FGFR1OP2: variants seen among roughly 807,000 people sequenced by gnomAD.
The protein encoded by FGFR1OP2 is fibroblast growth factor receptor 1 oncogene partner 2.
A neutral mutation model predicts 35.2 loss-of-function variants in FGFR1OP2; 17 were observed. That is an observed-to-expected ratio of 0.48 (90% CI 0.33 to 0.73). The LOEUF (loss-of-function observed/expected upper bound fraction) is 0.73, where lower values mean the gene tolerates loss of function less well. Among genes scored for constraint, FGFR1OP2 ranks in the 30% least tolerant of loss-of-function variants. The probability of loss-of-function intolerance (pLI) is 0.02; values close to 1 mark genes in which losing one functional copy is unlikely to be tolerated. For missense variants in FGFR1OP2, 251 were observed against 307.3 expected (o/e 0.82, Z 1.37); for synonymous variants, 105 against 104.6 (o/e 1.00, Z -0.03).
intron 6 of FGFR1OP2, among the ~76,000 whole-genome samples, chr12:26,963,947 G>A (rs1169016063): frequency 2.6e-5 from 4 of 152,034 alleles, no homozygotes; most frequent in East Asian, 3.8e-4. Context: ...AAATCACGGC[G>A]GGGAACCTGC....
intron 6 of FGFR1OP2, among the ~76,000 whole-genome samples, chr12:26,963,941 C>A (rs1190630628): frequency 6.6e-6 from 1 of 152,048 alleles, no homozygotes; most frequent in Non-Finnish European, 1.5e-5. Context: ...ATTTTGAAAT[C>A]ACGGCGGGGA....
intron 1 of FGFR1OP2, among the ~76,000 whole-genome samples, chr12:26,953,288 A>G (rs1226762325): frequency 6.8e-6 from 1 of 146,458 alleles, no homozygotes; most frequent in African/African-American, 2.5e-5. Flanking sequence ...AAAAAAAAAA[A>G]AGGAAGATAA....
chr12:26,957,503 C>T, intron 3 of FGFR1OP2, 98 bp from the exon 4 acceptor site: 4 of 1,083,994 alleles, frequency 3.7e-6, no homozygotes, highest in Admixed American at 4.8e-5. Context: ...ATTGTGTTTT[C>T]TTTTTAAAAT....
At position 26,966,107 on chromosome 12, in the gene FGFR1OP2, A is replaced by T. The variant is rs968211017; in HGVS notation, c.*1374A>T. 7.2e-5 allele frequency: 11 copies of T among 152,042 alleles called. No individual in the cohort carries two copies. The highest frequency in any genetic ancestry group is 2.4e-4 in the African/African-American group (10 of 41,454). 9.4% of individuals were successfully genotyped at this position (152,042 alleles called of 1,614,324 possible). A position where few individuals can be genotyped will look rare whatever the true frequency, so the allele number is the denominator to read the frequency against. ...TTGGTAAAATTCAAAACTACACTTG[A>T]GAATTTTTTTATCTTAAGTTTGGGG... On this transcript the variant is annotated 3_prime_UTR_variant, in exon 7 of 7. Coordinates refer to ENST00000229395, the MANE Select transcript of FGFR1OP2 (RefSeq NM_015633.3).
In FGFR1OP2 at chr12:26,954,223, A is replaced by G; in HGVS notation, c.65A>G (p.His22Arg). The G allele has an allele frequency of 6.2e-7, 1 of 1,612,818 alleles. No homozygotes were observed. Among genetic ancestry groups the G allele is most frequent in the Non-Finnish European group, 8.5e-7 (1 of 1,179,212 alleles). The change falls in exon 2 of 7, where the codon CAT becomes CGT. Residue 22 changes from histidine (H) to arginine (R), a missense_variant. By Grantham distance (29) the His-to-Arg change is conservative. Transcript: ENST00000229395. ...GCTCTTGTTGAAAGATTAAGAGATC[A>G]TGACGATGCAGCAGAATCTCTGATT... is the stretch of plus-strand genomic sequence containing the variant. ...AKALVERLRDHDDAAESLIEQ... is the reference protein window; with the variant it reads ...AKALVERLRDRDDAAESLIEQ...
At position 26,960,562 on chromosome 12, in the gene FGFR1OP2, A is replaced by G. The variant is rs1939089434; in HGVS notation, c.444A>G (p.Ala148=). 1 of 1,613,656 alleles carries G rather than the reference A, an allele frequency of 6.2e-7. No individual in the cohort carries two copies. Among genetic ancestry groups the G allele is most frequent in the Non-Finnish European group, 8.5e-7 (1 of 1,179,742 alleles). ...AGTCCGAAGGATTCTTCCTTGATGC[A>G]TCTCGACACATCCTTGAAGCACCTC... is the stretch of plus-strand genomic sequence containing the variant. ...RNKSEGFFLD[A]SRHILEAPQH... is the part of the protein sequence containing the mutation. The change falls in exon 5 of 7, where the codon GCA becomes GCG. Residue 148 remains alanine, a synonymous_variant. Coordinates refer to ENST00000229395, the MANE Select transcript of FGFR1OP2 (RefSeq NM_015633.3).
intron 5 of FGFR1OP2, chr12:26,961,109 T>A (rs961124372): frequency 6.6e-6 from 1 of 151,976 alleles, no homozygotes; most frequent in East Asian, 1.9e-4. Flanking sequence ...TGTGTCTTAA[T>A]TTTTTTTTAA....
rs1227384040 is a variant in FGFR1OP2 at position 26,965,621 on chromosome 12, A to T, written c.*888A>T. ...AGTGAATTGGGAATTCCTCTGGCTC[A>T]TAGAACCCTTTTTTTTTTCCTTTAA... On this transcript the variant is annotated 3_prime_UTR_variant, in exon 7 of 7. Transcript: ENST00000229395. The T allele has an allele frequency of 6.6e-6, 1 of 151,798 alleles. No individual in the cohort carries two copies. Among genetic ancestry groups the T allele is most frequent in the East Asian group, 1.9e-4 (1 of 5,188 alleles). The allele number at this position is 151,798 out of a possible 1,614,324, so 9.4% of individuals were successfully genotyped here.
chr12:26,959,239 G>A (rs1449789574), intron 4 of FGFR1OP2, among the ~76,000 whole-genome samples: 1 of 151,872 alleles, frequency 6.6e-6, no homozygotes, highest in Non-Finnish European at 1.5e-5. Context: ...TAATCAAATG[G>A]CAATCCAGGG....
At chr12:26,955,871 T>C (rs1939009986) in intron 2 of FGFR1OP2, among the ~76,000 whole-genome samples, 1 of 152,218 alleles carries the variant, frequency 6.6e-6, no homozygotes, top group Non-Finnish European at 1.5e-5. Context: ...AATAACTCTG[T>C]TAAAATTTTT....
intron 1 of FGFR1OP2, among the ~76,000 whole-genome samples, chr12:26,950,210 G>GTTATTTTTT (rs1555211390): frequency 3.4e-5 from 1 of 29,744 alleles, no homozygotes; most frequent in African/African-American, 1.8e-4. Context: ...TAATGTATTC[G>GTTATTTTTT]TTGTTTTTTT....
At chr12:26,944,625 C>A (rs1938792520) in intron 1 of FGFR1OP2, among the ~76,000 whole-genome samples, 1 of 152,030 alleles carries the variant, frequency 6.6e-6, no homozygotes, top group African/African-American at 2.4e-5. Context: ...CTAATATTTC[C>A]TTAAGGATTT....
At chr12:26,955,110 A>C (rs1938998636) in intron 2 of FGFR1OP2, among the ~76,000 whole-genome samples, 1 of 152,190 alleles carries the variant, frequency 6.6e-6, no homozygotes, top group African/African-American at 2.4e-5. Flanking sequence ...ATCCCTAACC[A>C]ACTGTCCAGC....
intron 3 of FGFR1OP2, 75 bp from the exon 4 acceptor site, chr12:26,957,526 A>G (rs1005907656): frequency 2.0e-5 from 26 of 1,325,886 alleles, no homozygotes; most frequent in African/African-American, 3.0e-5. Context: ...CCCGTTCATA[A>G]GTTGCTTAGT....
chr12:26,944,806 T>A lies in FGFR1OP2; in HGVS notation c.-15+6096T>A, dbSNP rs1938795162. 2.0e-5 allele frequency among the ~76,000 whole-genome samples: 3 copies of A among 152,326 alleles called. No homozygotes were observed. In the South Asian group the frequency reaches 6.2e-4, roughly 32 times the overall value. ...TGGTGTTATTTCTTCTTTAAATGTG[T>A]GATAGAATTTGTCCTTGAAGCCATC... On this transcript the variant is annotated intron_variant, in intron 1 of 6. Coordinates refer to ENST00000229395, the MANE Select transcript of FGFR1OP2 (RefSeq NM_015633.3).
chr12:26,953,179 G>T (rs954611956), intron 1 of FGFR1OP2, among the ~76,000 whole-genome samples: 1 of 151,242 alleles, frequency 6.6e-6, no homozygotes, highest in Non-Finnish European at 1.5e-5. Context: ...CAGGAAAATG[G>T]CGTGAACCTG....
chr12:26,938,905 C>T (rs893552598), intron 1 of FGFR1OP2, among the ~76,000 whole-genome samples, 195 bp downstream of exon 1: 6 of 152,114 alleles, frequency 3.9e-5, no homozygotes, highest in African/African-American at 1.4e-4. Flanking sequence ...CCGAGCTCCT[C>T]TTAATGGAGA....
At chr12:26,952,968 G>A (rs566620874) in intron 1 of FGFR1OP2, among the ~76,000 whole-genome samples, 1 of 152,070 alleles carries the variant, frequency 6.6e-6, no homozygotes, top group African/African-American at 2.4e-5. Flanking sequence ...TTAGTAGAAA[G>A]ATAAAAGATT....
chr12:26,951,085 T>G (rs943649493), intron 1 of FGFR1OP2, among the ~76,000 whole-genome samples: 3 of 152,180 alleles, frequency 2.0e-5, no homozygotes, highest in African/African-American at 4.8e-5. Context: ...ATTAATTCAG[T>G]TGAGGTTTAT....
Sources: gnomAD v4.1 joint callset for allele counts (sites outside exome capture counted in the v4.1 genomes callset) on GRCh38, gnomAD v4.1.1 for gene constraint, MANE v1.5 for transcripts, NCBI Gene and HGNC (gene_info 2026-07-23, HGNC 2026-07-21) for gene names.